Variants in ZNF516 observed in about 807,000 individuals in gnomAD.
The protein encoded by ZNF516 is zinc finger protein 516.
In ZNF516, 19 loss-of-function variants were observed where a neutral mutation model predicts 79.7. That is an observed-to-expected ratio of 0.24 (90% confidence interval 0.17 to 0.35). ZNF516 has a LOEUF of 0.35. Among genes scored for constraint, ZNF516 ranks in the 10% least tolerant of loss-of-function variants. The pLI is 1.00. For synonymous variants in ZNF516, 877 were observed against 739.5 expected (o/e 1.19, Z -3.02); for missense variants, 1,678 against 1,679.5 (o/e 1.00, Z 0.02).
chr18:76,402,678 C>T (rs1357151847), intron 3 of ZNF516, among the ~76,000 whole-genome samples: 3 of 152,258 alleles, frequency 2.0e-5, no homozygotes, highest in Non-Finnish European at 4.4e-5. Flanking sequence ...AACTCCGCTC[C>T]TTAAACGAAC....
intron 3 of ZNF516, 97 bp downstream of exon 3, chr18:76,441,148 T>A: frequency 6.9e-7 from 1 of 1,456,298 alleles, no homozygotes; most frequent in African/African-American, 1.4e-5. Context: ...GGTAAGGGGC[T>A]AATGAGCGAG....
intron 3 of ZNF516, among the ~76,000 whole-genome samples, chr18:76,433,064 G>A (rs1160041865): frequency 2.0e-5 from 3 of 152,276 alleles, no homozygotes; most frequent in East Asian, 1.9e-4. Context: ...CCACACATGC[G>A]GCACTTTCCA....
chr18:76,445,932 G>A (rs1912019369), intron 2 of ZNF516, among the ~76,000 whole-genome samples: 1 of 152,230 alleles, frequency 6.6e-6, no homozygotes, highest in African/African-American at 2.4e-5. Flanking sequence ...CAGCTCCTGG[G>A]GTCTGCGCCC....
chr18:76,357,698 T>C lies in ZNF516; in HGVS notation c.*4800A>G, dbSNP rs567705025. Among the ~76,000 whole-genome samples the C allele has an allele frequency of 2.0e-5, 3 of 149,412 alleles. No individual in the cohort carries two copies. Among genetic ancestry groups the C allele is most frequent in the African/African-American group, 7.7e-5 (3 of 38,922 alleles). On this transcript the variant is annotated 3_prime_UTR_variant, in exon 7 of 7. Coordinates refer to ENST00000443185, the MANE Select transcript of ZNF516 (RefSeq NM_014643.4). ...CACATTTTATCTTTTTAAATTAGAA[T>C]CTTTATTGCATCTGATGGTCCTGTC...
At chr18:76,370,741 C>G in intron 5 of ZNF516, 146 bp from the exon 6 acceptor site, 2 of 642,996 alleles carry the variant, frequency 3.1e-6, no homozygotes, top group Non-Finnish European at 4.9e-6. Context: ...TACCGTAACA[C>G]TTACAGTAAG....
intron 3 of ZNF516, among the ~76,000 whole-genome samples, chr18:76,381,188 C>T (rs1324139060): frequency 6.6e-6 from 1 of 152,168 alleles, no homozygotes; most frequent in African/African-American, 2.4e-5. Flanking sequence ...GGGCTGTGCT[C>T]GGAGGTTTTA....
chr18:76,491,031 C>T (rs942866456), intron 1 of ZNF516: 1 of 985,364 alleles, frequency 1.0e-6, no homozygotes, highest in Non-Finnish European at 1.2e-6. Context: ...ACTCCCACCC[C>T]AAATCCGCTC....
chr18:76,405,327 G>A (rs969545043), intron 3 of ZNF516, among the ~76,000 whole-genome samples: 3 of 152,094 alleles, frequency 2.0e-5, no homozygotes, highest in African/African-American at 7.2e-5. Context: ...CGACTTCCTG[G>A]GCTCAAGCGA....
At chr18:76,477,339 A>G (rs1197995500) in intron 1 of ZNF516, among the ~76,000 whole-genome samples, 1 of 152,156 alleles carries the variant, frequency 6.6e-6, no homozygotes, top group African/African-American at 2.4e-5. Flanking sequence ...CCCTCCGTGA[A>G]AGTAATAAAC....
intron 3 of ZNF516, among the ~76,000 whole-genome samples, chr18:76,418,949 C>T (rs2075471597): frequency 6.6e-6 from 1 of 152,262 alleles, no homozygotes; most frequent in African/African-American, 2.4e-5. Context: ...CCAAACACCT[C>T]ATTCCGCAGA....
chr18:76,485,931 T>TAAA (rs1555721339), intron 1 of ZNF516, among the ~76,000 whole-genome samples: 2 of 149,588 alleles, frequency 1.3e-5, no homozygotes, highest in Non-Finnish European at 3.0e-5. Flanking sequence ...ATAATAATAA[T>TAAA]AAACATACTT....
At chr18:76,392,380 C>G (rs1311908886) in intron 3 of ZNF516, among the ~76,000 whole-genome samples, 7 of 152,194 alleles carry the variant, frequency 4.6e-5, no homozygotes, top group African/African-American at 7.2e-5. Flanking sequence ...CAGAAGGTGA[C>G]ATTCACAGGG....
intron 1 of ZNF516, among the ~76,000 whole-genome samples, chr18:76,491,944 G>A (rs1915251253): frequency 1.3e-5 from 2 of 152,202 alleles, no homozygotes; most frequent in African/African-American, 4.8e-5. Flanking sequence ...CCGAGTGGGA[G>A]GGAAGGCGCG....
At chr18:76,457,083 G>C (rs911900858) in intron 2 of ZNF516, among the ~76,000 whole-genome samples, 6 of 152,228 alleles carry the variant, frequency 3.9e-5, no homozygotes, top group Non-Finnish European at 7.3e-5. Context: ...CAGCCTGCCA[G>C]TAAGACAACA....
chr18:76,462,797 T>C (rs1913207193), intron 2 of ZNF516, among the ~76,000 whole-genome samples: 1 of 152,230 alleles, frequency 6.6e-6, no homozygotes, highest in Non-Finnish European at 1.5e-5. Context: ...TCATTCACAC[T>C]GTGATCCCTA....
At position 76,476,287 on chromosome 18, in the gene ZNF516, GA is replaced by G. The variant is rs1026013583; in HGVS notation, c.-271-13147del. Among the ~76,000 whole-genome samples the G allele has an allele frequency of 7.2e-5, 11 of 151,890 alleles. 1 individual carries two copies. The South Asian group carries it at 1.9e-3, about 26-fold the overall frequency. ...GTGCTAAATGTTCACACCATTTTGT[GA>G]AAAATCACCGTATATGTCTTAAAAG... On this transcript the variant is annotated intron_variant, in intron 1 of 6. Transcript: ENST00000443185.
intron 2 of ZNF516, among the ~76,000 whole-genome samples, chr18:76,455,132 A>AAC (rs1323373057): frequency 6.6e-6 from 1 of 152,148 alleles, no homozygotes; most frequent in Non-Finnish European, 1.5e-5. Context: ...CAGAAAGACA[A>AAC]ACAGCAGTCA....
intron 3 of ZNF516, among the ~76,000 whole-genome samples, chr18:76,440,072 A>C (rs995008805): frequency 3.2e-4 from 49 of 152,270 alleles, no homozygotes; most frequent in Admixed American, 3.2e-3. Context: ...ATTACTGAAA[A>C]GTCATTTATC....
At chr18:76,483,509 C>T (rs373310309) in intron 1 of ZNF516, among the ~76,000 whole-genome samples, 2 of 152,132 alleles carry the variant, frequency 1.3e-5, no homozygotes, top group Non-Finnish European at 2.9e-5. Context: ...CTGTCTGTCA[C>T]GGGTCATCTG....
Sources: gnomAD v4.1 joint callset for allele counts (sites outside exome capture counted in the v4.1 genomes callset) on GRCh38, gnomAD v4.1.1 for gene constraint, MANE v1.5 for transcripts, NCBI Gene and HGNC (gene_info 2026-07-23, HGNC 2026-07-21) for gene names.